The following ZNF594 variants were observed in gnomAD, a reference collection of about 807,000 sequenced individuals.
The protein encoded by ZNF594 is zinc finger protein 594.
For missense variants in ZNF594, 1,037 were observed against 964.6 expected (o/e 1.08, Z -0.99); for synonymous variants, 336 against 309.4 (o/e 1.09, Z -0.90).
At position 5,180,192 on chromosome 17, in the gene ZNF594, C is replaced by T. The variant is rs2074329604; in HGVS notation, c.*1641G>A. Reference sequence around the variant, plus strand: ...TCTCCTGCCCTAGCCTCGCAAGTACCTGGGACTACAGGCGTGCCCCACCAT... The same window carrying T: ...TCTCCTGCCCTAGCCTCGCAAGTACTTGGGACTACAGGCGTGCCCCACCAT... On this transcript the variant is annotated 3_prime_UTR_variant, in exon 2 of 2. Transcript: ENST00000575779. 1 of 152,036 alleles carries T rather than the reference C, an allele frequency of 6.6e-6. No individual in the cohort carries two copies. The highest frequency in any genetic ancestry group is 2.1e-4 in the South Asian group (1 of 4,826). The allele number at this position is 152,036 out of a possible 1,614,324, so 9.4% of individuals were successfully genotyped here.
downstream of ZNF594, among the ~76,000 whole-genome samples, chr17:5,177,131 G>A (rs752593404): frequency 4.6e-5 from 7 of 151,530 alleles, no homozygotes; most frequent in South Asian, 2.1e-4. Flanking sequence ...GGGAGGCGGC[G>A]CTTGCAGTGA....
chr17:5,186,012 C>T (rs974619989), intron 1 of ZNF594, among the ~76,000 whole-genome samples: 2 of 152,126 alleles, frequency 1.3e-5, no homozygotes, highest in Admixed American at 6.6e-5. Context: ...TCCAGGCATA[C>T]GGTGCAAGCT....
At chr17:5,184,411 T>A in intron 1 of ZNF594, 135 bp from the exon 2 acceptor site, 1 of 893,728 alleles carries the variant, frequency 1.1e-6, no homozygotes, top group Non-Finnish European at 1.6e-6. Context: ...TGGCTTTCAC[T>A]AGCGACACTG....
chr17:5,181,318 G>A lies in ZNF594; in HGVS notation c.*515C>T, dbSNP rs566077553. ...TTCCCACATTCTTTACATTCATATGGTTTCTCTCCTGTATGAGTTACCTGA... is the reference window on the plus strand; with the variant it reads ...TTCCCACATTCTTTACATTCATATGATTTCTCTCCTGTATGAGTTACCTGA... On this transcript the variant is annotated 3_prime_UTR_variant, in exon 2 of 2. Coordinates refer to ENST00000575779, the MANE Select transcript of ZNF594 (RefSeq NM_032530.2). 9 of 1,612,822 alleles carry A rather than the reference G, an allele frequency of 5.6e-6. No homozygotes were observed. In the East Asian group the frequency reaches 1.8e-4, roughly 32 times the overall value.
rs138999909 is a variant in ZNF594 at position 5,189,285 on chromosome 17, T to C, written c.-21+2463A>G. Among the ~76,000 whole-genome samples the C allele has an allele frequency of 1.7e-3, 255 of 148,656 alleles. 16 individuals are homozygous for C. The East Asian group carries it at 0.039, about 23-fold the overall frequency. On this transcript the variant is annotated intron_variant, in intron 1 of 1. Transcript: ENST00000575779. ...TTTTTTTTTGGAGACAGGGTCTCTG[T>C]CACCCAGGCTGGAGTGCAGTGGTGT...
intron 1 of ZNF594, among the ~76,000 whole-genome samples, chr17:5,189,094 CAA>C (rs919241645): frequency 5.2e-5 from 7 of 134,072 alleles, no homozygotes; most frequent in African/African-American, 5.5e-5. Flanking sequence ...GTCATGTAGC[CAA>C]AAAAAAAAAG....
chr17:5,186,827 A>G (rs1251914074), intron 1 of ZNF594, among the ~76,000 whole-genome samples: 1 of 152,206 alleles, frequency 6.6e-6, no homozygotes, highest in African/African-American at 2.4e-5. Context: ...TCTTTGCTAA[A>G]ACATAACAAG....
downstream of ZNF594, among the ~76,000 whole-genome samples, chr17:5,179,011 C>T (rs776549290): frequency 5.9e-5 from 9 of 151,870 alleles, no homozygotes; most frequent in Non-Finnish European, 1.0e-4. Flanking sequence ...CACAAAACGT[C>T]GCTTCACTAA....
chr17:5,181,559 G>C lies in ZNF594; in HGVS notation c.*274C>G. Reference sequence around the variant, plus strand: ...GTTTCCCACATTCCTTACATTCATAGGGTTTCTCACCACTATGAATTCTCC... The same window carrying C: ...GTTTCCCACATTCCTTACATTCATACGGTTTCTCACCACTATGAATTCTCC... On this transcript the variant is annotated 3_prime_UTR_variant, in exon 2 of 2. Coordinates refer to ENST00000575779, the MANE Select transcript of ZNF594 (RefSeq NM_032530.2). 1 of 1,613,922 alleles carries C rather than the reference G, an allele frequency of 6.2e-7. No individual in the cohort carries two copies. Among genetic ancestry groups the C allele is most frequent in the Non-Finnish European group, 8.5e-7 (1 of 1,179,916 alleles).
chr17:5,187,887 C>CTTTTTTTTTTTTTT, intron 1 of ZNF594, among the ~76,000 whole-genome samples: 1 of 132,588 alleles, frequency 7.5e-6, no homozygotes, highest in Non-Finnish European at 1.6e-5. Flanking sequence ...GCTGGATTTC[C>CTTTTTTTTTTTTTT]TTTTTTTTTT....
chr17:5,182,782 T>C lies in ZNF594; in HGVS notation c.1475A>G (p.Glu492Gly), dbSNP rs758309080. The C allele has an allele frequency of 1.2e-6, 2 of 1,614,098 alleles. No homozygotes were observed. Among genetic ancestry groups the C allele is most frequent in the Non-Finnish European group, 1.7e-6 (2 of 1,180,008 alleles). Reference sequence around the variant, plus strand: ...ACGCCGCCTGAAGGCTTTCCCACATTCAGTGCACTGATAGGGCTTCTCTCC... The same window carrying C: ...ACGCCGCCTGAAGGCTTTCCCACATCCAGTGCACTGATAGGGCTTCTCTCC... ...HTGEKPYQCT[E>G]CGKAFRRRSL... The change falls in exon 2 of 2, where the codon GAA (glutamate) becomes GGA (glycine). Residue 492 changes from glutamate (E) to glycine (G), a missense_variant. Physicochemically the swap from Glu to Gly is moderately conservative, Grantham distance 98 (BLOSUM62 -2). Transcript: ENST00000575779.
intron 1 of ZNF594, among the ~76,000 whole-genome samples, chr17:5,190,143 G>A (rs1308851590): frequency 6.6e-6 from 1 of 152,168 alleles, no homozygotes; most frequent in Non-Finnish European, 1.5e-5. Flanking sequence ...GAGGCAGGCA[G>A]AGTACCAGAG....
At position 5,181,746 on chromosome 17, in the gene ZNF594, A is replaced by G; in HGVS notation, c.*87T>C. 3.8e-6 allele frequency: 6 copies of G among 1,598,654 alleles called. No homozygotes were observed. The highest frequency in any genetic ancestry group is 5.1e-6 in the Non-Finnish European group (6 of 1,166,116). On this transcript the variant is annotated 3_prime_UTR_variant, in exon 2 of 2. Coordinates refer to ENST00000575779, the MANE Select transcript of ZNF594 (RefSeq NM_032530.2). ...TTCATGAGGTTTCTCTCCAGTATGA[A>G]CACGATGGTGTTTAATAAGATCTGA...
rs1214558355 is a variant in ZNF594, at chr17:5,181,296, C to A, written c.*537G>T. 6.2e-7 allele frequency: 1 copy of A among 1,612,618 alleles called. No individual in the cohort carries two copies. Among genetic ancestry groups the A allele is most frequent in the Admixed American group, 1.7e-5 (1 of 59,996 alleles). On this transcript the variant is annotated 3_prime_UTR_variant, in exon 2 of 2. Transcript: ENST00000575779. Reference sequence around the variant, plus strand: ...GTCTGAGCTCTGATTGAAAGTTTTCCCACATTCTTTACATTCATATGGTTT... The same window carrying A: ...GTCTGAGCTCTGATTGAAAGTTTTCACACATTCTTTACATTCATATGGTTT...
In ZNF594 at chr17:5,181,996, G is replaced by A. The variant is rs201428516; in HGVS notation, c.2261C>T (p.Thr754Ile). 4.7e-5 allele frequency: 76 copies of A among 1,613,154 alleles called. No homozygotes were observed. The highest frequency in any genetic ancestry group is 6.2e-5 in the Non-Finnish European group (73 of 1,179,920). The change falls in exon 2 of 2, where the codon ACT (threonine) becomes ATT (isoleucine). Residue 754 changes from threonine (T) to isoleucine (I), a missense_variant. Transcript: ENST00000575779. Reference protein sequence around the residue: ...KDEELRKEQRTHQEKKVYWCN... With the variant: ...KDEELRKEQRIHQEKKVYWCN... Reference sequence around the variant, plus strand: ...CCAATAAACTTTCTTTTCCTGGTGAGTTCTCTGCTCTTTTCTAAGCTCCTC... The same window carrying A: ...CCAATAAACTTTCTTTTCCTGGTGAATTCTCTGCTCTTTTCTAAGCTCCTC...
At position 5,180,970 on chromosome 17, in the gene ZNF594, TAC is replaced by T. The variant is rs1212355867; in HGVS notation, c.*861_*862del. 9.9e-6 allele frequency: 7 copies of T among 710,220 alleles called. No individual in the cohort carries two copies. The highest frequency in any genetic ancestry group is 3.5e-5 in the African/African-American group (2 of 57,332). The allele number at this position is 710,220 out of a possible 1,614,324, so 44.0% of individuals were successfully genotyped here. A position where few individuals can be genotyped will look rare whatever the true frequency, so the allele number is the denominator to read the frequency against. On this transcript the variant is annotated 3_prime_UTR_variant, in exon 2 of 2. Coordinates refer to ENST00000575779, the MANE Select transcript of ZNF594 (RefSeq NM_032530.2). Reference sequence around the variant, plus strand: ...AGAATAGGTCCTGTTTGTAGACTCTTACAGTCTTCAAATTCCTTTCCAATGTG... The same window carrying T: ...AGAATAGGTCCTGTTTGTAGACTCTTAGTCTTCAAATTCCTTTCCAATGTG...
chr17:5,185,964 G>A (rs2074383311), intron 1 of ZNF594, among the ~76,000 whole-genome samples: 1 of 152,184 alleles, frequency 6.6e-6, no homozygotes, highest in African/African-American at 2.4e-5. Flanking sequence ...CTCCCTCCTG[G>A]CTGCTTTCAC....
intron 1 of ZNF594, among the ~76,000 whole-genome samples, chr17:5,186,505 A>G (rs1174487635): frequency 6.6e-6 from 1 of 152,244 alleles, no homozygotes; most frequent in East Asian, 1.9e-4. Context: ...GACTTCTGAC[A>G]TGCCCTGGAG....
rs1471951438 is a variant in ZNF594 at position 5,182,551 on chromosome 17, C to T, written c.1706G>A (p.Trp569Ter). ...QKIHQEAKAY[W>*]CNQCGRAFQG... ...GAAAGCCCTACCACACTGATTACACCAATAAGCTTTCGCTTCCTGGTGAAT... is the reference window on the plus strand; with the variant it reads ...GAAAGCCCTACCACACTGATTACACTAATAAGCTTTCGCTTCCTGGTGAAT... Residue 569 changes from tryptophan (W) to a stop codon, truncating the protein, a stop_gained, in exon 2 of 2, where the codon TGG (tryptophan) becomes TAG (stop). Transcript: ENST00000575779. LOFTEE classifies it low-confidence loss of function (END_TRUNC). The T allele has an allele frequency of 6.2e-7, 1 of 1,613,550 alleles. No individual in the cohort carries two copies. Among genetic ancestry groups the T allele is most frequent in the Non-Finnish European group, 8.5e-7 (1 of 1,179,936 alleles).
Sources: allele counts gnomAD v4.1 joint callset (sites outside exome capture counted in the v4.1 genomes callset), GRCh38; gene constraint gnomAD v4.1.1; transcripts MANE v1.5; gene names NCBI Gene and HGNC (gene_info 2026-07-23, HGNC 2026-07-21).